SEMA3E: variants seen among roughly 807,000 people sequenced by gnomAD.
The protein encoded by SEMA3E is semaphorin 3E.
In SEMA3E, 49 loss-of-function variants were observed where a neutral mutation model predicts 93.6. The observed-to-expected ratio is 0.52, with a 90% CI of 0.42 to 0.66. The LOEUF is 0.66. Ranked by LOEUF, SEMA3E falls within the 30% of genes least tolerant of loss-of-function variation. The pLI is 0.00. For missense variants in SEMA3E, 906 were observed against 964.8 expected, an observed-to-expected ratio of 0.94 and a Z score of 0.81; for synonymous variants, 363 against 330.7, an observed-to-expected ratio of 1.10 and a Z score of -1.06.
At chr7:83,385,758 G>A (rs1253189542) in intron 15 of SEMA3E, among the ~76,000 whole-genome samples, 1 of 152,114 alleles carries the variant, frequency 6.6e-6, no homozygotes, top group Admixed American at 6.6e-5. Context: ...GGAAGAGAAA[G>A]GGAACACCAA....
intron 1 of SEMA3E, among the ~76,000 whole-genome samples, chr7:83,560,780 T>G (rs1792015567): frequency 1.3e-5 from 2 of 151,968 alleles, no homozygotes; most frequent in African/African-American, 2.4e-5. Flanking sequence ...CCAATGAACT[T>G]TGCCATCAGA....
At chr7:83,461,575 C>T (rs1789617650) in intron 4 of SEMA3E, among the ~76,000 whole-genome samples, 1 of 152,122 alleles carries the variant, frequency 6.6e-6, no homozygotes, top group African/African-American at 2.4e-5. Context: ...AGCGTTTAGG[C>T]TCTTTTTCAT....
intron 3 of SEMA3E, among the ~76,000 whole-genome samples, chr7:83,466,849 T>C (rs763620215): frequency 5.3e-5 from 8 of 152,146 alleles, no homozygotes; most frequent in Non-Finnish European, 1.2e-4. Flanking sequence ...ATTTTTCATG[T>C]ATTCTAGTTT....
rs1438685814 is a variant in SEMA3E, at chr7:83,596,814, CT to C, written c.115+51613del. The stretch of plus-strand genomic sequence containing the variant: ...CCTTCCTATATTTATCTGTGTAAAT[CT>C]TTTAGCTGCTTATTAAAGTTGTCAT... On this transcript the variant is annotated intron_variant, in intron 1 of 16. Transcript: ENST00000643230. Among the ~76,000 whole-genome samples, 4 of 152,218 alleles carry C rather than the reference CT, an allele frequency of 2.6e-5. No homozygotes were observed. The East Asian group carries it at 7.7e-4, about 29-fold the overall frequency.
intron 4 of SEMA3E, among the ~76,000 whole-genome samples, chr7:83,420,600 A>G (rs528352820): frequency 7.8e-4 from 119 of 152,316 alleles, no homozygotes; most frequent in African/African-American, 2.8e-3. Context: ...TAAGTATAAC[A>G]GCTTGGTATT....
At chr7:83,423,417 T>C (rs147830389) in intron 4 of SEMA3E, among the ~76,000 whole-genome samples, 5 of 152,148 alleles carry the variant, frequency 3.3e-5, no homozygotes, top group Non-Finnish European at 1.5e-5. Context: ...GATTAATGGC[T>C]AAAACTAAGT....
chr7:83,379,009 A>T (rs1162161033), intron 16 of SEMA3E, among the ~76,000 whole-genome samples: 2 of 152,012 alleles, frequency 1.3e-5, no homozygotes, highest in East Asian at 3.9e-4. Flanking sequence ...ATGTCTGTCA[A>T]TGGATGATTG....
At chr7:83,508,857 T>C (rs1205413665) in intron 1 of SEMA3E, among the ~76,000 whole-genome samples, 10 of 152,164 alleles carry the variant, frequency 6.6e-5, no homozygotes, top group Admixed American at 6.5e-4. Context: ...CCCTACTATA[T>C]GACCAAAAAG....
At chr7:83,496,468 C>A (rs941394950) in intron 1 of SEMA3E, among the ~76,000 whole-genome samples, 2 of 151,762 alleles carry the variant, frequency 1.3e-5, no homozygotes, top group Non-Finnish European at 2.9e-5. Context: ...CTTTAATCAC[C>A]TTTATTGTGT....
intron 4 of SEMA3E, among the ~76,000 whole-genome samples, chr7:83,435,209 C>T (rs1459412112): frequency 6.6e-6 from 1 of 152,154 alleles, no homozygotes; most frequent in Admixed American, 6.5e-5. Flanking sequence ...TGATTTTGCA[C>T]AATAATATCC....
chr7:83,488,650 G>A (rs947644927), intron 2 of SEMA3E, among the ~76,000 whole-genome samples: 7 of 152,094 alleles, frequency 4.6e-5, no homozygotes, highest in African/African-American at 1.4e-4. Context: ...CAGAAGCTAG[G>A]AGAGGATATG....
At chr7:83,415,805 G>C (rs1468382118) in intron 5 of SEMA3E, among the ~76,000 whole-genome samples, 1 of 151,956 alleles carries the variant, frequency 6.6e-6, no homozygotes, top group Non-Finnish European at 1.5e-5. Context: ...GTCTTCATGT[G>C]AACAGACATT....
chr7:83,367,947 G>C lies in SEMA3E; in HGVS notation c.1967C>G (p.Thr656Arg). 6.2e-7 allele frequency: 1 copy of C among 1,613,216 alleles called. No individual in the cohort carries two copies. Among genetic ancestry groups the C allele is most frequent in the Non-Finnish European group, 8.5e-7 (1 of 1,179,674 alleles). Reference protein sequence around the residue: ...KSDAGTYFCQTVEHSFVHTVR... With the variant: ...KSDAGTYFCQRVEHSFVHTVR... ...CGTATGGACAAAGCTATGCTCTACT[G>C]TCTGGCAAAAATAGGTCCCAGCATC... Residue 656 changes from threonine (T) to arginine (R), a missense_variant, in exon 17 of 17, where the codon ACA (threonine) becomes AGA (arginine). Physicochemically the swap from Thr to Arg is moderately conservative, Grantham distance 71. Transcript: ENST00000643230.
chr7:83,555,483 C>T (rs1791867726), intron 1 of SEMA3E, among the ~76,000 whole-genome samples: 1 of 152,180 alleles, frequency 6.6e-6, no homozygotes, highest in Non-Finnish European at 1.5e-5. Flanking sequence ...AAAATTGTCA[C>T]ATCCTGGATT....
chr7:83,634,346 GTTTAAC>G (rs1562863975), intron 1 of SEMA3E, among the ~76,000 whole-genome samples: 1 of 151,808 alleles, frequency 6.6e-6, no homozygotes, highest in Non-Finnish European at 1.5e-5. Context: ...TTTTATTCTT[GTTTAAC>G]TTTATTAATT....
chr7:83,601,591 T>C (rs1220727727), intron 1 of SEMA3E, among the ~76,000 whole-genome samples: 1 of 152,184 alleles, frequency 6.6e-6, no homozygotes, highest in Non-Finnish European at 1.5e-5. Context: ...ATATATTCTT[T>C]CCTGAAATTT....
intron 14 of SEMA3E, among the ~76,000 whole-genome samples, chr7:83,390,867 C>T (rs1423991114): frequency 2.6e-5 from 4 of 152,148 alleles, no homozygotes; most frequent in Admixed American, 2.6e-4. Context: ...ACTGTATTAA[C>T]AAGCTTAAGG....
chr7:83,483,278 T>C (rs150884409), intron 2 of SEMA3E, among the ~76,000 whole-genome samples: 15 of 152,208 alleles, frequency 9.9e-5, no homozygotes, highest in African/African-American at 2.9e-4. Flanking sequence ...TACTTTAGAG[T>C]TGTTGCAATT....
chr7:83,638,563 CTT>C (rs1793926983), intron 1 of SEMA3E, among the ~76,000 whole-genome samples: 1 of 152,084 alleles, frequency 6.6e-6, no homozygotes, highest in Non-Finnish European at 1.5e-5. Flanking sequence ...AATAGGCACA[CTT>C]TATATTTAAT....
Sources: allele counts gnomAD v4.1 joint callset (sites outside exome capture counted in the v4.1 genomes callset), GRCh38; gene constraint gnomAD v4.1.1; transcripts MANE v1.5; gene names NCBI Gene and HGNC (gene_info 2026-07-23, HGNC 2026-07-21).